HAVCR2: variants seen among roughly 807,000 people sequenced by gnomAD.
HAVCR2 encodes hepatitis A virus cellular receptor 2.
In HAVCR2, 13 loss-of-function variants were observed where a neutral mutation model predicts 24.7. The observed-to-expected ratio is 0.53, with a 90% CI of 0.34 to 0.84. HAVCR2 has a LOEUF of 0.84. Among genes scored for constraint, HAVCR2 ranks in the 40% least tolerant of loss-of-function variants. The probability of loss-of-function intolerance (pLI) is 0.01; values close to 1 mark genes in which losing one functional copy is unlikely to be tolerated. For synonymous variants in HAVCR2, 154 were observed against 143.4 expected, an observed-to-expected ratio of 1.07 and a Z score of -0.53; for missense variants, 343 against 371.2, an observed-to-expected ratio of 0.92 and a Z score of 0.62.
chr5:157,095,748 C>G (rs904505730), intron 4 of HAVCR2, among the ~76,000 whole-genome samples: 2 of 151,332 alleles, frequency 1.3e-5, no homozygotes, highest in Non-Finnish European at 2.9e-5. Context: ...CTCTTAAGAC[C>G]CTTTCCCTGC....
chr5:157,091,082 T>C (rs773628290), intron 5 of HAVCR2, among the ~76,000 whole-genome samples: 1 of 152,204 alleles, frequency 6.6e-6, no homozygotes, highest in Non-Finnish European at 1.5e-5. Flanking sequence ...AAGAATGTCA[T>C]TTCAGAAGCC....
intron 5 of HAVCR2, among the ~76,000 whole-genome samples, chr5:157,092,682 G>A (rs1757021977): frequency 6.6e-6 from 1 of 151,642 alleles, no homozygotes; most frequent in South Asian, 2.1e-4. Context: ...CCAGCCTCAG[G>A]TTATCCACTC....
chr5:157,092,913 A>AAAAAAAAAAAAAAAAAAAATAAAAAT (rs1561619880), intron 5 of HAVCR2, among the ~76,000 whole-genome samples: 2 of 122,972 alleles, frequency 1.6e-5, no homozygotes, highest in African/African-American at 6.2e-5. Flanking sequence ...AAAAAAAAAA[A>AAAAAAAAAAAAAAAAAAAATAAAAAT]AAAAACTAGC....
rs1756922434 is a variant in HAVCR2 at position 157,087,010 on chromosome 5, C to T, written c.*92G>A. Reference sequence around the variant, plus strand: ...AAAATGGGAAAACTCTGCTCCATAGCAGTGGACAGAACCTCCAAAACCAGT... The same window carrying T: ...AAAATGGGAAAACTCTGCTCCATAGTAGTGGACAGAACCTCCAAAACCAGT... On this transcript the variant is annotated 3_prime_UTR_variant, in exon 7 of 7. Coordinates refer to ENST00000307851, the MANE Select transcript of HAVCR2 (RefSeq NM_032782.5). 1.9e-6 allele frequency: 2 copies of T among 1,068,556 alleles called. No individual in the cohort carries two copies. 66.2% of individuals were successfully genotyped at this position (1,068,556 alleles called of 1,614,324 possible).
chr5:157,096,893 C>A (rs1195850482), intron 4 of HAVCR2, among the ~76,000 whole-genome samples: 1 of 151,100 alleles, frequency 6.6e-6, no homozygotes, highest in African/African-American at 2.4e-5. Context: ...GAGTTAGGGA[C>A]CAGCCTAATA....
At chr5:157,087,393 T>C (rs1160587489) in intron 6 of HAVCR2, 99 bp from the exon 7 acceptor site, 1 of 944,674 alleles carries the variant, frequency 1.1e-6, no homozygotes, top group Non-Finnish European at 1.6e-6. Context: ...CAACTAAATA[T>C]AGTGCATGAT....
intron 6 of HAVCR2, among the ~76,000 whole-genome samples, chr5:157,087,628 G>A (rs539269940): frequency 3.3e-5 from 5 of 152,040 alleles, no homozygotes; most frequent in South Asian, 2.1e-4. Context: ...AAAATGGGCC[G>A]GGCGCCGTGG....
At chr5:157,106,453 G>A in intron 2 of HAVCR2, 174 bp downstream of exon 2, 1 of 614,448 alleles carries the variant, frequency 1.6e-6, no homozygotes, top group Non-Finnish European at 2.9e-6. Context: ...TTAAAACAGA[G>A]AGAAGGTGTT....
chr5:157,098,956 A>G (rs1330869665), intron 3 of HAVCR2, 55 bp from the exon 4 acceptor site: 1 of 1,526,576 alleles, frequency 6.6e-7, no homozygotes, highest in African/African-American at 1.4e-5. Flanking sequence ...AGTATAGTTA[A>G]GAACGTTTTC....
chr5:157,093,225 C>T (rs76659274), intron 5 of HAVCR2, among the ~76,000 whole-genome samples: 3,747 of 151,956 alleles, frequency 0.025, 162 homozygotes, highest in African/African-American at 0.085. Context: ...TAACCATAAT[C>T]GCAGAAACCA....
chr5:157,094,681 C>A (rs1205377045), intron 5 of HAVCR2, among the ~76,000 whole-genome samples: 2 of 151,390 alleles, frequency 1.3e-5, no homozygotes, highest in Non-Finnish European at 2.9e-5. Context: ...CTGCGCCGGG[C>A]CTGTTTTTTT....
At position 157,101,941 on chromosome 5, in the gene HAVCR2, ATTTT is replaced by A. The variant is rs869260432; in HGVS notation, c.478+2721_478+2724del. Among the ~76,000 whole-genome samples the A allele has an allele frequency of 2.3e-3, 191 of 83,044 alleles. 1 individual carries two copies. Among genetic ancestry groups the A allele is most frequent in the African/African-American group, 8.9e-3 (182 of 20,498 alleles). The allele number at this position is 83,044 out of a possible 152,430, so 54.5% of individuals were successfully genotyped here. A position where few individuals can be genotyped will look rare whatever the true frequency, so the allele number is the denominator to read the frequency against. The stretch of plus-strand genomic sequence containing the variant: ...CAGGCACATGCCACCATGCCCGGCT[ATTTT>A]TTTTTTTTTTTTTTTTTTTGGGATG... On this transcript the variant is annotated intron_variant, in intron 3 of 6. Coordinates refer to ENST00000307851, the MANE Select transcript of HAVCR2 (RefSeq NM_032782.5).
intron 5 of HAVCR2, among the ~76,000 whole-genome samples, 176 bp from the exon 6 acceptor site, chr5:157,089,153 A>G (rs559012665): frequency 6.6e-6 from 1 of 152,344 alleles, no homozygotes; most frequent in Admixed American, 6.5e-5. Context: ...GTGTTAGAAA[A>G]TAATAATAAA....
At position 157,087,207 on chromosome 5, in the gene HAVCR2, A is replaced by G; in HGVS notation, c.801T>C (p.Ile267=). ...GIRSEENIYT[I]EENVYEVEEP... is the part of the protein sequence containing the mutation. ...CCTCCACTTCATATACGTTCTCTTC[A>G]ATGGTATAGATGTTTTCTTCTGAGC... The change falls in exon 7 of 7, where the codon ATT becomes ATC. Residue 267 remains isoleucine, a synonymous_variant. Transcript: ENST00000307851. 1 of 1,614,012 alleles carries G rather than the reference A, an allele frequency of 6.2e-7. No homozygotes were observed. The highest frequency in any genetic ancestry group is 8.5e-7 in the Non-Finnish European group (1 of 1,179,966).
At chr5:157,089,141 C>T (rs756574399) in intron 5 of HAVCR2, among the ~76,000 whole-genome samples, 164 bp from the exon 6 acceptor site, 23 of 152,158 alleles carry the variant, frequency 1.5e-4, no homozygotes, top group Non-Finnish European at 2.9e-4. Context: ...GTTATATGGA[C>T]TGTGTTAGAA....
At chr5:157,098,973 C>G in intron 3 of HAVCR2, 72 bp from the exon 4 acceptor site, 1 of 1,419,946 alleles carries the variant, frequency 7.0e-7, no homozygotes, top group South Asian at 1.3e-5. Context: ...TTTCTTTTAT[C>G]TAAGTTTTTA....
At chr5:157,100,636 T>C (rs1757153763) in intron 3 of HAVCR2, among the ~76,000 whole-genome samples, 1 of 152,250 alleles carries the variant, frequency 6.6e-6, no homozygotes, top group Admixed American at 6.5e-5. Context: ...TAAATGTCAC[T>C]GTCACCTTCT....
At chr5:157,089,060 C>T (rs369393218) in intron 5 of HAVCR2, 83 bp from the exon 6 acceptor site, 64 of 1,260,142 alleles carry the variant, frequency 5.1e-5, no homozygotes, top group Admixed American at 9.8e-5. Context: ...ACTGGAAGCA[C>T]GCATAGTTTA....
At chr5:157,096,062 C>A (rs1339044340) in intron 4 of HAVCR2, among the ~76,000 whole-genome samples, 2 of 151,814 alleles carry the variant, frequency 1.3e-5, no homozygotes, top group Non-Finnish European at 2.9e-5. Flanking sequence ...CCCGTCTCTA[C>A]TAAAAATACA....
Sources: allele counts gnomAD v4.1 joint callset (sites outside exome capture counted in the v4.1 genomes callset), GRCh38; gene constraint gnomAD v4.1.1; transcripts MANE v1.5; gene names NCBI Gene and HGNC (gene_info 2026-07-23, HGNC 2026-07-21).